Variants in PCDHGA9 observed in about 807,000 individuals in gnomAD.
PCDHGA9 encodes the protein protocadherin gamma subfamily A, 9.
PCDHGA9 carries 37 observed loss-of-function variants against 62.5 expected under a neutral mutation model. The ratio of observed to expected loss-of-function variants is 0.59; its 90% CI spans 0.46 to 0.78. The LOEUF (loss-of-function observed/expected upper bound fraction) is 0.78. Among genes scored for constraint, PCDHGA9 ranks in the 30% least tolerant of loss-of-function variants. The pLI is 0.00. For missense variants in PCDHGA9, 1,138 were observed against 1,166.2 expected (o/e 0.98, Z 0.35); for synonymous variants, 459 against 484.6 (o/e 0.95, Z 0.69).
intron 1 of PCDHGA9, chr5:141,421,627 T>C: frequency 6.2e-7 from 1 of 1,613,846 alleles, no homozygotes; most frequent in Non-Finnish European, 8.5e-7. Context: ...CGCCCCCAGC[T>C]TCCAGGAGGA....
intron 1 of PCDHGA9, among the ~76,000 whole-genome samples, chr5:141,436,181 T>A (rs1050736907): frequency 1.3e-5 from 2 of 152,092 alleles, no homozygotes; most frequent in African/African-American, 4.8e-5. Context: ...TCATATATAG[T>A]CAAATAGAAA....
In PCDHGA9 at chr5:141,511,540, C is replaced by CTA; in HGVS notation, c.*367_*368insTA. ...ATCCCATGCCTCCCTCCTCCCCACC[C>CTA]CACTCCAACAGTTCCTCTTTCCCGA... On this transcript the variant is annotated 3_prime_UTR_variant, in exon 4 of 4. Transcript: ENST00000573521. 3.0e-6 allele frequency: 1 copy of CTA among 328,024 alleles called. No individual in the cohort carries two copies. Among genetic ancestry groups the CTA allele is most frequent in the South Asian group, 3.2e-5 (1 of 31,610 alleles). 20.3% of individuals were successfully genotyped at this position (328,024 alleles called of 1,614,324 possible). A position where few individuals can be genotyped will look rare whatever the true frequency, so the allele number is the denominator to read the frequency against.
intron 1 of PCDHGA9, among the ~76,000 whole-genome samples, chr5:141,484,645 T>C (rs948669787): frequency 1.3e-5 from 2 of 151,970 alleles, no homozygotes; most frequent in Admixed American, 6.6e-5. Context: ...CACTCTCCAA[T>C]GGCTACTCTC....
In PCDHGA9 at chr5:141,477,053, G is replaced by A; in HGVS notation, c.2425-17754G>A. On this transcript the variant is annotated intron_variant, in intron 1 of 3. Transcript: ENST00000573521. This position sits in a 1 kb window ranked among gnomAD's most constrained non-coding sequence, Gnocchi z 4.9. ...GACAATCAAGGGTCGGCTGGACTTC[G>A]AGGACACCAAACTCCATGAGATTTA... The A allele has an allele frequency of 1.9e-6, 3 of 1,614,230 alleles. No homozygotes were observed. The highest frequency in any genetic ancestry group is 2.5e-6 in the Non-Finnish European group (3 of 1,180,032).
chr5:141,465,043 T>C (rs1404714692), intron 1 of PCDHGA9, among the ~76,000 whole-genome samples: 2 of 152,030 alleles, frequency 1.3e-5, no homozygotes, highest in Non-Finnish European at 2.9e-5. Context: ...CAAATGACCC[T>C]ATATATTTTT....
chr5:141,490,344 AGTGGGGTTGTTTAAT>A lies in PCDHGA9; in HGVS notation c.2425-4459_2425-4445del. The A allele has an allele frequency of 6.2e-7, 1 of 1,614,178 alleles. No individual in the cohort carries two copies. The highest frequency in any genetic ancestry group is 8.5e-7 in the Non-Finnish European group (1 of 1,180,030). ...TAGAGAGCACACCAGTGGGCACAGT[AGTGGGGTTGTTTAAT>A]GTGCGAGACCGGGACTCAGGTAGAA... On this transcript the variant is annotated intron_variant, in intron 1 of 3. Coordinates refer to ENST00000573521, the MANE Select transcript of PCDHGA9 (RefSeq NM_018921.3). This position sits in a 1 kb window ranked among gnomAD's most constrained non-coding sequence, Gnocchi z 5.4.
rs368585389 is a variant in PCDHGA9, at chr5:141,419,428, G to A, written c.2424+14052G>A. On this transcript the variant is annotated intron_variant, in intron 1 of 3. Coordinates refer to ENST00000573521, the MANE Select transcript of PCDHGA9 (RefSeq NM_018921.3). ...TCGCGCAGCGCGCCTTCGACCACGAGCAGCTGCGCACCTTCGAGCTCACGC... is the reference window on the plus strand; with the variant it reads ...TCGCGCAGCGCGCCTTCGACCACGAACAGCTGCGCACCTTCGAGCTCACGC... 4 of 1,613,192 alleles carry A rather than the reference G, an allele frequency of 2.5e-6. No individual in the cohort carries two copies. In the African/African-American group the frequency reaches 4.0e-5, roughly 16 times the overall value.
At chr5:141,467,097 G>A (rs912875702) in intron 1 of PCDHGA9, among the ~76,000 whole-genome samples, 1 of 150,152 alleles carries the variant, frequency 6.7e-6, no homozygotes, top group Non-Finnish European at 1.5e-5. Context: ...CTGTCACACA[G>A]GCTGGAGTAC....
chr5:141,469,704 C>T (rs1038504640), intron 1 of PCDHGA9, among the ~76,000 whole-genome samples: 9 of 152,340 alleles, frequency 5.9e-5, no homozygotes, highest in African/African-American at 1.9e-4. Flanking sequence ...ACCTAGTAAT[C>T]ACACTATTAG....
intron 1 of PCDHGA9, among the ~76,000 whole-genome samples, chr5:141,479,846 C>A (rs1350909064): frequency 1.3e-5 from 2 of 152,194 alleles, no homozygotes; most frequent in Admixed American, 6.5e-5. Context: ...TGCAAGGTGA[C>A]TGCAAGGCCT....
intron 2 of PCDHGA9, among the ~76,000 whole-genome samples, chr5:141,496,189 G>A (rs1362938002): frequency 1.3e-5 from 2 of 152,004 alleles, no homozygotes; most frequent in Admixed American, 6.6e-5. Flanking sequence ...AGCCCCAGCT[G>A]CTCATTTCAA....
intron 2 of PCDHGA9, among the ~76,000 whole-genome samples, chr5:141,496,230 C>T (rs1336418553): frequency 2.6e-5 from 4 of 152,160 alleles, no homozygotes; most frequent in Admixed American, 2.0e-4. Flanking sequence ...AGACAGGAAC[C>T]CCCTGCGGGC....
At chr5:141,420,473 G>A (rs1016985115) in intron 1 of PCDHGA9, 8 of 707,118 alleles carry the variant, frequency 1.1e-5, no homozygotes, top group Non-Finnish European at 1.6e-5. Flanking sequence ...ACATTTTAAA[G>A]CAAACTACAT....
In PCDHGA9 at chr5:141,489,116, C is replaced by A; in HGVS notation, c.2425-5691C>A. Reference sequence around the variant, plus strand: ...TAAGAACTGCTGCAAGCAGGCAAACCTCCGAGCAGTTTTTAAGAGGCTGGA... The same window carrying A: ...TAAGAACTGCTGCAAGCAGGCAAACATCCGAGCAGTTTTTAAGAGGCTGGA... On this transcript the variant is annotated intron_variant, in intron 1 of 3. Transcript: ENST00000573521. The surrounding 1 kb of genome is among the most constrained non-coding windows in gnomAD (Gnocchi z 4.5). 3.7e-6 allele frequency: 2 copies of A among 536,398 alleles called. No homozygotes were observed. The highest frequency in any genetic ancestry group is 6.2e-6 in the Non-Finnish European group (2 of 322,530). 33.2% of individuals were successfully genotyped at this position (536,398 alleles called of 1,614,324 possible).
At chr5:141,441,710 G>A (rs2098266791) in intron 1 of PCDHGA9, 1 of 322,162 alleles carries the variant, frequency 3.1e-6, no homozygotes, top group Non-Finnish European at 6.1e-6. Context: ...TCAAGCTCAC[G>A]CTGCAGGCCC....
intron 1 of PCDHGA9, among the ~76,000 whole-genome samples, chr5:141,466,436 G>A (rs181613158): frequency 1.3e-5 from 2 of 152,270 alleles, no homozygotes; most frequent in East Asian, 1.9e-4. Context: ...AAGCTGAACC[G>A]AGATGTCTAT....
chr5:141,445,034 A>T (rs963629240), intron 1 of PCDHGA9, among the ~76,000 whole-genome samples: 4 of 152,156 alleles, frequency 2.6e-5, no homozygotes, highest in Admixed American at 2.0e-4. Context: ...GCTATGTTGT[A>T]TAGTTTTCAG....
Position 141,460,747 on chromosome 5 carries a change from G to A in PCDHGA9, c.2425-34060G>A, listed in dbSNP as rs148154304. On this transcript the variant is annotated intron_variant, in intron 1 of 3. Transcript: ENST00000573521. ...GCATATATACACATTGTATATATAT[G>A]TGTACATATACATATTGCATATGTA... Among the ~76,000 whole-genome samples, 351 of 151,000 alleles carry A rather than the reference G, an allele frequency of 2.3e-3. 2 individuals are homozygous for A. The highest frequency in any genetic ancestry group is 6.8e-3 in the Middle Eastern group (2 of 294).
intron 1 of PCDHGA9, chr5:141,422,096 C>T: frequency 6.2e-7 from 1 of 1,610,710 alleles, no homozygotes; most frequent in Non-Finnish European, 8.5e-7. Context: ...AGCAAGGCTT[C>T]TGAAATATTC....
Sources: allele counts gnomAD v4.1 joint callset (sites outside exome capture counted in the v4.1 genomes callset), GRCh38; gene constraint gnomAD v4.1.1; non-coding constraint Gnocchi (gnomAD v3.1); transcripts MANE v1.5; gene names NCBI Gene and HGNC (gene_info 2026-07-23, HGNC 2026-07-21).